The following THSD7B variants were observed in gnomAD, a reference collection of about 807,000 sequenced individuals.
THSD7B encodes the protein thrombospondin type 1 domain containing 7B.
A neutral mutation model predicts 213.6 loss-of-function variants in THSD7B; 138 were observed. The observed-to-expected ratio is 0.65, with a 90% confidence interval of 0.56 to 0.74. The LOEUF is 0.74. Ranked by LOEUF, THSD7B falls within the 30% of genes least tolerant of loss-of-function variation. The probability of loss-of-function intolerance (pLI) is 0.00; values close to 1 mark genes in which losing one functional copy is unlikely to be tolerated. For synonymous variants in THSD7B, 742 were observed against 687.0 expected (o/e 1.08, Z -1.25); for missense variants, 1,931 against 1,991.5 (o/e 0.97, Z 0.58).
intron 17 of THSD7B, among the ~76,000 whole-genome samples, chr2:137,604,688 T>C (rs1409527500): frequency 6.6e-6 from 1 of 152,240 alleles, no homozygotes; most frequent in Non-Finnish European, 1.5e-5. Flanking sequence ...CTGGGCATAG[T>C]GATCTCTTGT....
intron 1 of THSD7B, among the ~76,000 whole-genome samples, chr2:136,862,438 C>A (rs1407755560): frequency 2.0e-5 from 3 of 152,196 alleles, no homozygotes; most frequent in East Asian, 3.8e-4. Context: ...CTTTTCTCTT[C>A]TTTGCTGAAC....
intron 2 of THSD7B, among the ~76,000 whole-genome samples, chr2:137,050,022 C>T (rs1687040469): frequency 6.6e-6 from 1 of 152,144 alleles, no homozygotes; most frequent in Non-Finnish European, 1.5e-5. Context: ...CCCATTTTTG[C>T]TCCAAATGAT....
chr2:137,425,238 A>G, intron 14 of THSD7B, among the ~76,000 whole-genome samples: 1 of 151,786 alleles, frequency 6.6e-6, no homozygotes. Flanking sequence ...TTTCTTTGAG[A>G]CGGAGTCTTG....
chr2:137,110,092 C>T (rs1237002776), intron 4 of THSD7B, among the ~76,000 whole-genome samples: 2 of 152,166 alleles, frequency 1.3e-5, no homozygotes, highest in Admixed American at 6.5e-5. Flanking sequence ...GGATTTCCCT[C>T]GTCATGGCAC....
In THSD7B at chr2:136,947,213, G is replaced by A. The variant is rs146644169; in HGVS notation, c.139+64896G>A. Among the ~76,000 whole-genome samples, 1,142 of 152,064 alleles carry A rather than the reference G, an allele frequency of 7.5e-3. 14 individuals carry two copies. Among genetic ancestry groups the A allele is most frequent in the African/African-American group, 0.026 (1,091 of 41,522 alleles). ...GGTATTTGAAGCTTTTTTGCTTCCTGTTTATTCTTGTGTTTTCAGCTATTC... is the reference window on the plus strand; with the variant it reads ...GGTATTTGAAGCTTTTTTGCTTCCTATTTATTCTTGTGTTTTCAGCTATTC... On this transcript the variant is annotated intron_variant, in intron 2 of 27. Transcript: ENST00000409968.
chr2:136,875,342 A>C (rs1573682513), intron 1 of THSD7B, among the ~76,000 whole-genome samples: 1 of 152,196 alleles, frequency 6.6e-6, no homozygotes, highest in African/African-American at 2.4e-5. Flanking sequence ...GAATTGCTTG[A>C]ACCTGGGAGG....
At chr2:137,071,008 T>C (rs1687475607) in intron 3 of THSD7B, among the ~76,000 whole-genome samples, 1 of 152,204 alleles carries the variant, frequency 6.6e-6, no homozygotes, top group Non-Finnish European at 1.5e-5. Flanking sequence ...TTGTGAATAG[T>C]GCCGCTATAA....
intron 12 of THSD7B, among the ~76,000 whole-genome samples, chr2:137,291,659 A>T (rs146480818): frequency 6.6e-6 from 1 of 152,154 alleles, no homozygotes; most frequent in Non-Finnish European, 1.5e-5. Flanking sequence ...TGCTTATGAG[A>T]GTTTAATCTC....
At chr2:137,437,500 T>A (rs1437557935) in intron 14 of THSD7B, among the ~76,000 whole-genome samples, 1 of 152,142 alleles carries the variant, frequency 6.6e-6, no homozygotes, top group Non-Finnish European at 1.5e-5. Flanking sequence ...TATCGCCACT[T>A]GACAAAATTA....
At chr2:137,082,967 A>G (rs1447039543) in intron 3 of THSD7B, among the ~76,000 whole-genome samples, 3 of 152,104 alleles carry the variant, frequency 2.0e-5, no homozygotes, top group Non-Finnish European at 2.9e-5. Flanking sequence ...GCTTATCTCT[A>G]TATCTGTAGA....
intron 2 of THSD7B, among the ~76,000 whole-genome samples, chr2:137,017,834 T>C (rs1424360672): frequency 6.6e-6 from 1 of 152,126 alleles, no homozygotes; most frequent in East Asian, 1.9e-4. Context: ...AAAAATAATA[T>C]CCAGTCTGTT....
At chr2:137,008,092 A>G (rs550807027) in intron 2 of THSD7B, among the ~76,000 whole-genome samples, 4 of 152,046 alleles carry the variant, frequency 2.6e-5, no homozygotes, top group African/African-American at 4.8e-5. Context: ...AAGACATGAA[A>G]AAGTGTTGTA....
intron 2 of THSD7B, among the ~76,000 whole-genome samples, chr2:136,967,361 C>CA (rs941063907): frequency 6.6e-6 from 1 of 152,122 alleles, no homozygotes; most frequent in African/African-American, 2.4e-5. Context: ...ATCGTGAAGA[C>CA]ATTCATTTCT....
intron 6 of THSD7B, among the ~76,000 whole-genome samples, chr2:137,167,497 T>C (rs1489114519): frequency 1.3e-5 from 2 of 152,156 alleles, no homozygotes; most frequent in African/African-American, 2.4e-5. Flanking sequence ...AGCTCATGTG[T>C]ACACTTCTGA....
chr2:137,494,659 T>C (rs1472110642), intron 15 of THSD7B, among the ~76,000 whole-genome samples: 1 of 152,164 alleles, frequency 6.6e-6, no homozygotes, highest in South Asian at 2.1e-4. Flanking sequence ...TTATTGAATG[T>C]TTTTATTACC....
chr2:137,646,408 G>A (rs1047285490), intron 21 of THSD7B, among the ~76,000 whole-genome samples: 4 of 150,056 alleles, frequency 2.7e-5, no homozygotes, highest in African/African-American at 9.8e-5. Context: ...TTGGGAGGCC[G>A]AGGAGGGTGA....
intron 10 of THSD7B, among the ~76,000 whole-genome samples, chr2:137,249,379 G>A (rs768052500): frequency 7.2e-5 from 11 of 151,998 alleles, no homozygotes; most frequent in Non-Finnish European, 1.5e-4. Flanking sequence ...AGACAAGGAG[G>A]AACACTTACA....
At chr2:137,610,982 TTAAAG>T (rs1039090125) in intron 17 of THSD7B, among the ~76,000 whole-genome samples, 241 of 147,390 alleles carry the variant, frequency 1.6e-3, no homozygotes, top group African/African-American at 5.7e-3. Context: ...ACCCTAAAAC[TTAAAG>T]TATAATAATA....
intron 2 of THSD7B, among the ~76,000 whole-genome samples, chr2:137,013,691 CT>C (rs1429944110): frequency 1.3e-5 from 2 of 152,174 alleles, no homozygotes; most frequent in Non-Finnish European, 2.9e-5. Flanking sequence ...TACCAACCCC[CT>C]GATCCTTCTT....
Sources: allele counts gnomAD v4.1 joint callset (sites outside exome capture counted in the v4.1 genomes callset), GRCh38; gene constraint gnomAD v4.1.1; transcripts MANE v1.5; gene names NCBI Gene and HGNC (gene_info 2026-07-23, HGNC 2026-07-21).